Variants in PCDH9 observed in about 807,000 individuals in gnomAD.
The protein encoded by PCDH9 is protocadherin-9.
A neutral mutation model predicts 70.6 loss-of-function variants in PCDH9; 24 were observed. The ratio of observed to expected loss-of-function variants is 0.34; its 90% CI spans 0.25 to 0.48. The LOEUF is 0.48. Ranked by LOEUF, PCDH9 falls within the 20% of genes least tolerant of loss-of-function variation. The probability of loss-of-function intolerance (pLI) is 0.99; values close to 1 mark genes in which losing one functional copy is unlikely to be tolerated. For missense variants in PCDH9, 1,281 were observed against 1,503.6 expected (o/e 0.85, Z 2.45); for synonymous variants, 562 against 558.5 (o/e 1.01, Z -0.09).
chr13:66,460,113 T>C (rs1310958753), intron 4 of PCDH9, among the ~76,000 whole-genome samples: 2 of 151,804 alleles, frequency 1.3e-5, no homozygotes, highest in East Asian at 3.9e-4. Context: ...TGACAGGTAA[T>C]GACTTCCATG....
At chr13:66,903,159 T>C (rs539313991) in intron 3 of PCDH9, among the ~76,000 whole-genome samples, 9 of 152,000 alleles carry the variant, frequency 5.9e-5, no homozygotes, top group South Asian at 2.1e-4. Context: ...GCCTTTCTTT[T>C]AGTTCAATTA....
intron 3 of PCDH9, among the ~76,000 whole-genome samples, chr13:66,765,025 T>C (rs192532421): frequency 2.1e-5 from 3 of 145,642 alleles, no homozygotes; most frequent in Admixed American, 7.1e-5. Flanking sequence ...TCTTTCTCTT[T>C]CGCTCTCTCT....
At chr13:66,864,422 C>A (rs1009551003) in intron 3 of PCDH9, among the ~76,000 whole-genome samples, 1 of 152,016 alleles carries the variant, frequency 6.6e-6, no homozygotes, top group Admixed American at 6.6e-5. Flanking sequence ...GACACAAGAC[C>A]AACTTTATTC....
intron 4 of PCDH9, among the ~76,000 whole-genome samples, chr13:66,507,205 G>A (rs1197663416): frequency 2.5e-5 from 3 of 118,516 alleles, no homozygotes. Flanking sequence ...ACTTGCAAAA[G>A]TGATTCAACT....
intron 2 of PCDH9, chr13:66,914,530 A>C (rs2139628967): frequency 6.6e-6 from 1 of 151,932 alleles, no homozygotes; most frequent in South Asian, 2.1e-4. Context: ...CTATACAAAA[A>C]CCTACTTTGA....
chr13:66,306,367 G>C (rs572312116), intron 4 of PCDH9: 2 of 149,172 alleles, frequency 1.3e-5, no homozygotes, highest in East Asian at 4.0e-4. Context: ...ACAGTTGATG[G>C]TAAAGACCAG....
chr13:66,554,669 G>A (rs1427795858), intron 4 of PCDH9, among the ~76,000 whole-genome samples: 1 of 151,984 alleles, frequency 6.6e-6, no homozygotes, highest in Non-Finnish European at 1.5e-5. Context: ...ATGAGTGCAG[G>A]ATGTCATTCT....
intron 4 of PCDH9, among the ~76,000 whole-genome samples, chr13:66,617,689 T>G (rs1407936784): frequency 6.6e-6 from 1 of 152,224 alleles, no homozygotes; most frequent in East Asian, 1.9e-4. Context: ...ATTTTTGATC[T>G]GTCCTTACCC....
chr13:66,466,954 A>G (rs1315416961), intron 4 of PCDH9, among the ~76,000 whole-genome samples: 1 of 152,096 alleles, frequency 6.6e-6, no homozygotes, highest in Admixed American at 6.6e-5. Context: ...AAGAAGCACC[A>G]GGTTCCATAA....
At chr13:66,492,985 G>A (rs1959056407) in intron 4 of PCDH9, among the ~76,000 whole-genome samples, 1 of 152,066 alleles carries the variant, frequency 6.6e-6, no homozygotes, top group South Asian at 2.1e-4. Context: ...AAAATATCCT[G>A]AGTGAGTTCT....
chr13:66,849,367 G>C (rs759191825), intron 3 of PCDH9, among the ~76,000 whole-genome samples: 12 of 151,564 alleles, frequency 7.9e-5, no homozygotes, highest in Non-Finnish European at 1.3e-4. Context: ...ATCTACCCAG[G>C]TGTCCTATGG....
intron 3 of PCDH9, among the ~76,000 whole-genome samples, chr13:66,716,756 T>C (rs2078870575): frequency 6.6e-6 from 1 of 152,162 alleles, no homozygotes; most frequent in Non-Finnish European, 1.5e-5. Context: ...TCAGATATGC[T>C]CATATATTCA....
intron 3 of PCDH9, among the ~76,000 whole-genome samples, chr13:66,698,933 GA>G (rs2078599925): frequency 8.6e-6 from 1 of 116,954 alleles, no homozygotes; most frequent in African/African-American, 3.3e-5. Flanking sequence ...TGTTGTTGTT[GA>G]GATGGAGTCT....
At chr13:66,752,229 C>T (rs746020534) in intron 3 of PCDH9, among the ~76,000 whole-genome samples, 1 of 152,172 alleles carries the variant, frequency 6.6e-6, no homozygotes, top group Non-Finnish European at 1.5e-5. Flanking sequence ...AAGAATTAAG[C>T]AGTGTCTAGT....
intron 3 of PCDH9, among the ~76,000 whole-genome samples, chr13:66,696,166 T>C (rs1392921732): frequency 6.6e-6 from 1 of 152,168 alleles, no homozygotes; most frequent in Non-Finnish European, 1.5e-5. Context: ...AGAATTATAC[T>C]GTAAGTGATG....
intron 2 of PCDH9, among the ~76,000 whole-genome samples, chr13:67,097,728 A>G (rs2086352246): frequency 6.6e-6 from 1 of 152,176 alleles, no homozygotes; most frequent in African/African-American, 2.4e-5. Flanking sequence ...TTATGGTGGG[A>G]AAAAGCATTT....
intron 3 of PCDH9, among the ~76,000 whole-genome samples, chr13:66,727,255 T>C (rs1018973015): frequency 7.2e-5 from 11 of 152,054 alleles, no homozygotes; most frequent in African/African-American, 2.7e-4. Context: ...AGTGAGCTCC[T>C]GTCTCAAAAA....
intron 4 of PCDH9, among the ~76,000 whole-genome samples, chr13:66,393,314 G>A (rs1481171245): frequency 1.3e-5 from 2 of 152,122 alleles, no homozygotes; most frequent in South Asian, 2.1e-4. Context: ...GTAAGAATAG[G>A]TGGAAAAAAA....
At chr13:66,339,511 A>T (rs1956091962) in intron 4 of PCDH9, among the ~76,000 whole-genome samples, 1 of 152,240 alleles carries the variant, frequency 6.6e-6, no homozygotes, top group Non-Finnish European at 1.5e-5. Flanking sequence ...ACATACTTTT[A>T]CTTGTTTCTT....
Sources: allele counts gnomAD v4.1 joint callset (sites outside exome capture counted in the v4.1 genomes callset), GRCh38; gene constraint gnomAD v4.1.1; transcripts MANE v1.5; gene names NCBI Gene and HGNC (gene_info 2026-07-23, HGNC 2026-07-21).